Variants in ZNF345 observed in about 807,000 individuals in gnomAD.
The protein encoded by ZNF345 is zinc finger protein 345, also known as zinc finger protein HZF10.
For missense variants in ZNF345, 527 were observed against 589.9 expected, an observed-to-expected ratio of 0.89 and a Z score of 1.10; for synonymous variants, 166 against 187.9, an observed-to-expected ratio of 0.88 and a Z score of 0.95.
chr19:36,891,698 A>C (rs755393020), intron 3 of ZNF345: 1 of 1,613,968 alleles, frequency 6.2e-7, no homozygotes, highest in South Asian at 1.1e-5. Context: ...ATAAGTTCTG[A>C]GCTCTGAATA....
chr19:36,863,202 G>A (rs1434731051), intron 2 of ZNF345, among the ~76,000 whole-genome samples: 1 of 152,092 alleles, frequency 6.6e-6, no homozygotes. Flanking sequence ...TCTGGGTTAT[G>A]CTGAGATTGG....
At chr19:36,857,406 A>C (rs2146132393) in intron 2 of ZNF345, among the ~76,000 whole-genome samples, 1 of 152,188 alleles carries the variant, frequency 6.6e-6, no homozygotes, top group East Asian at 1.9e-4. Context: ...TCCTGGGTTC[A>C]CGCCATTCTC....
In ZNF345 at chr19:36,877,531, C is replaced by G. The variant is rs185194327; in HGVS notation, c.701C>G (p.Ala234Gly). ...HTGEKPYECK[A>G]CGMAFSSGSA... ...GGTGAGAAACCTTATGAATGCAAAG[C>G]ATGTGGAATGGCCTTTAGCAGTGGT... is the stretch of plus-strand genomic sequence containing the variant. The change falls in exon 3 of 3, where the codon GCA becomes GGA. Residue 234 changes from alanine to glycine, a missense_variant. Ala to Gly is a moderately conservative substitution (Grantham distance 60). Coordinates refer to ENST00000420450, the MANE Select transcript of ZNF345 (RefSeq NM_001242472.2). The G allele has an allele frequency of 4.6e-5, 75 of 1,613,354 alleles. No homozygotes were observed. In the Admixed American group the frequency reaches 1.2e-3, roughly 26 times the overall value.
chr19:36,892,830 C>CG lies in ZNF345; in HGVS notation c.60dup (p.Leu21AlafsTer3). The CG allele has an allele frequency of 1.1e-6, 1 of 942,186 alleles. No homozygotes were observed. Among genetic ancestry groups the CG allele is most frequent in the Non-Finnish European group, 1.4e-6 (1 of 716,420 alleles). 58.4% of individuals were successfully genotyped at this position (942,186 alleles called of 1,614,324 possible). ...GCCCCCACCCCAGATCCCCCACAGG[C>CG]GCTGCCTGAGACCCAGCTCTGTGTC... On this transcript the variant is annotated frameshift_variant, in exon 4 of 4. Transcript: ENST00000526123. LOFTEE classifies it high-confidence loss of function.
chr19:36,867,789 G>A (rs2146174073), intron 2 of ZNF345, among the ~76,000 whole-genome samples: 1 of 152,126 alleles, frequency 6.6e-6, no homozygotes, highest in East Asian at 1.9e-4. Flanking sequence ...AAATCTATTA[G>A]TCATAGATGT....
At chr19:36,869,094 C>G (rs1015904730) in intron 2 of ZNF345, among the ~76,000 whole-genome samples, 3 of 152,098 alleles carry the variant, frequency 2.0e-5, no homozygotes, top group African/African-American at 7.2e-5. Flanking sequence ...GAGTTAGTGT[C>G]AGACTCCATA....
At chr19:36,860,078 C>T (rs571718501) in intron 2 of ZNF345, among the ~76,000 whole-genome samples, 1 of 152,258 alleles carries the variant, frequency 6.6e-6, no homozygotes, top group African/African-American at 2.4e-5. Context: ...CTGCCTCAGC[C>T]TCCCGAGTAG....
At chr19:36,865,991 C>CT (rs2072651440) in intron 2 of ZNF345, among the ~76,000 whole-genome samples, 1 of 152,044 alleles carries the variant, frequency 6.6e-6, no homozygotes, top group Non-Finnish European at 1.5e-5. Context: ...TTGAAGCAAC[C>CT]TTGTATTCCT....
intron 3 of ZNF345, chr19:36,891,427 T>C (rs1568366116): frequency 6.9e-7 from 1 of 1,451,388 alleles, no homozygotes; most frequent in Non-Finnish European, 9.2e-7. Flanking sequence ...TCCTAATTTG[T>C]TCTCCTTACC....
At chr19:36,891,516 G>A (rs79277718) in intron 3 of ZNF345, 11 of 1,570,038 alleles carry the variant, frequency 7.0e-6, no homozygotes, top group East Asian at 4.5e-5. Context: ...TTCCCTCATG[G>A]CGAATGAGGT....
rs1362685334 is a variant in ZNF345 at position 36,877,450 on chromosome 19, G to A, written c.620G>A (p.Cys207Tyr). 9 of 1,614,048 alleles carry A rather than the reference G, an allele frequency of 5.6e-6. No individual in the cohort carries two copies. The highest frequency in any genetic ancestry group is 6.8e-6 in the Non-Finnish European group (8 of 1,180,038). Residue 207 changes from cysteine (C) to tyrosine (Y), a missense_variant, in exon 3 of 3, where the codon TGT becomes TAT. Cys to Tyr is a radical substitution (Grantham distance 194). Coordinates refer to ENST00000420450, the MANE Select transcript of ZNF345 (RefSeq NM_001242472.2). ...TGEKPYECIDCGKAFGSGSNL... is the reference protein window; with the variant it reads ...TGEKPYECIDYGKAFGSGSNL... ...GAGAAACCTTATGAATGTATAGATT[G>A]TGGTAAAGCCTTTGGCAGTGGTTCA...
At chr19:36,883,920 C>G (rs993680298), downstream of ZNF345, among the ~76,000 whole-genome samples, 1 of 152,152 alleles carries the variant, frequency 6.6e-6, no homozygotes. Flanking sequence ...ATTTCAGACA[C>G]CAGGCACAAG....
chr19:36,854,235 G>T (rs73930121), intron 2 of ZNF345, among the ~76,000 whole-genome samples: 1,492 of 138,624 alleles, frequency 0.011, 25 homozygotes, highest in African/African-American at 0.031. Flanking sequence ...CCTGGGTTTT[G>T]TTTTTTTTTT....
chr19:36,887,029 G>T (rs2073004734), intron 3 of ZNF345, among the ~76,000 whole-genome samples: 1 of 151,706 alleles, frequency 6.6e-6, no homozygotes, highest in African/African-American at 2.4e-5. Context: ...TGGGGGTGGT[G>T]GTGGGTGCCT....
chr19:36,863,303 A>G (rs2072592827), intron 2 of ZNF345, among the ~76,000 whole-genome samples: 1 of 152,200 alleles, frequency 6.6e-6, no homozygotes, highest in Non-Finnish European at 1.5e-5. Flanking sequence ...ATACTGTCTT[A>G]ACAGACAACA....
chr19:36,883,676 C>T (rs1240181525), downstream of ZNF345, among the ~76,000 whole-genome samples: 2 of 152,184 alleles, frequency 1.3e-5, no homozygotes, highest in African/African-American at 2.4e-5. Flanking sequence ...AATAGCCCCT[C>T]TCCTAATTTC....
chr19:36,889,746 T>G (rs2073032765), intron 3 of ZNF345: 1 of 152,180 alleles, frequency 6.6e-6, no homozygotes, highest in Non-Finnish European at 1.5e-5. Context: ...TCTTTTGCAT[T>G]CCTTTGTTCT....
upstream of ZNF345, chr19:36,850,824 C>T (rs1196106405): frequency 3.3e-5 from 5 of 152,262 alleles, no homozygotes; most frequent in Non-Finnish European, 7.3e-5. Flanking sequence ...GCCCAGGGCA[C>T]TCTCCCGCGA....
downstream of ZNF345, among the ~76,000 whole-genome samples, chr19:36,884,238 T>G (rs1382087823): frequency 6.6e-6 from 1 of 152,084 alleles, no homozygotes; most frequent in Non-Finnish European, 1.5e-5. Context: ...GCTAAATTTT[T>G]GTACTTTTAG....
Sources: gnomAD v4.1 joint callset for allele counts (sites outside exome capture counted in the v4.1 genomes callset) on GRCh38, gnomAD v4.1.1 for gene constraint, MANE v1.5 for transcripts, NCBI Gene and HGNC (gene_info 2026-07-23, HGNC 2026-07-21) for gene names.